The following USP32 variants were observed in gnomAD, a reference collection of about 807,000 sequenced individuals.
The protein encoded by USP32 is ubiquitin specific peptidase 32, also known as ubiquitin carboxyl-terminal hydrolase 32.
USP32 carries 59 observed loss-of-function variants against 204.8 expected under a neutral mutation model. The ratio of observed to expected loss-of-function variants is 0.29; its 90% CI spans 0.23 to 0.36. The LOEUF is 0.36. Ranked by LOEUF, USP32 falls within the 10% of genes least tolerant of loss-of-function variation. USP32 has a pLI of 1.00. For missense variants in USP32, 1,160 were observed against 1,946.4 expected, an observed-to-expected ratio of 0.60 and a Z score of 7.60; for synonymous variants, 517 against 678.4, an observed-to-expected ratio of 0.76 and a Z score of 3.70.
At chr17:60,340,922 CT>C (rs1188362894) in intron 2 of USP32, among the ~76,000 whole-genome samples, 2 of 151,982 alleles carry the variant, frequency 1.3e-5, no homozygotes, top group Admixed American at 6.6e-5. Context: ...TTCTCCTTCA[CT>C]TATGAAGCTC....
intron 1 of USP32, among the ~76,000 whole-genome samples, chr17:60,406,126 C>T (rs905726414): frequency 5.6e-5 from 8 of 143,570 alleles, no homozygotes; most frequent in African/African-American, 2.1e-4. Flanking sequence ...CACTGTACCC[C>T]AGCCTGGGTG....
chr17:60,227,868 A>G (rs998075697), intron 12 of USP32, among the ~76,000 whole-genome samples: 2 of 152,190 alleles, frequency 1.3e-5, no homozygotes, highest in African/African-American at 4.8e-5. Flanking sequence ...ATTTTAAGTA[A>G]AAATGGCATA....
intron 26 of USP32, among the ~76,000 whole-genome samples, chr17:60,199,437 T>C (rs1411427858): frequency 1.3e-5 from 2 of 152,242 alleles, no homozygotes; most frequent in African/African-American, 4.8e-5. Context: ...AGAATTATCC[T>C]GGAAATGGCT....
At chr17:60,260,910 C>A (rs755305643) in intron 9 of USP32, among the ~76,000 whole-genome samples, 2 of 151,964 alleles carry the variant, frequency 1.3e-5, no homozygotes, top group African/African-American at 2.4e-5. Flanking sequence ...ACAAAAAAAA[C>A]CCAGAAGAAC....
chr17:60,235,700 G>A (rs1182919628), intron 12 of USP32, among the ~76,000 whole-genome samples: 1 of 152,192 alleles, frequency 6.6e-6, no homozygotes, highest in Non-Finnish European at 1.5e-5. Flanking sequence ...TGTAAATGAT[G>A]TAGTTGAGAG....
At position 60,236,144 on chromosome 17, in the gene USP32, G is replaced by A. The variant is rs146072369; in HGVS notation, c.1233C>T (p.Val411=). The change falls in exon 12 of 34, where the codon GTC becomes GTT. Residue 411 remains valine (V), a synonymous_variant. Coordinates refer to ENST00000300896, the MANE Select transcript of USP32 (RefSeq NM_032582.4). ...AGACAGGAATCTAACTCACGTATTT[G>A]ACATATTCTTTCCACTGTTGCCACC... ...MQWWQQWKEY[V]KYDANPVVIE... is the part of the protein sequence containing the mutation. 48 of 1,613,222 alleles carry A rather than the reference G, an allele frequency of 3.0e-5. No individual in the cohort carries two copies. In the African/African-American group the frequency reaches 6.0e-4, roughly 20 times the overall value.
intron 5 of USP32, among the ~76,000 whole-genome samples, chr17:60,284,619 A>G (rs1377178740): frequency 6.6e-6 from 1 of 152,106 alleles, no homozygotes; most frequent in African/African-American, 2.4e-5. Context: ...CATTTTTAAC[A>G]TATTGAAAAT....
At chr17:60,421,279 G>A in intron 1 of USP32, 1 of 809,364 alleles carries the variant, frequency 1.2e-6, no homozygotes, top group Non-Finnish European at 1.5e-6. Context: ...ACAACAAGAC[G>A]TTTGCTGAAC....
At chr17:60,180,442 T>C (rs1367634246) in intron 33 of USP32, 103 bp downstream of exon 33, 1 of 1,272,898 alleles carries the variant, frequency 7.9e-7, no homozygotes, top group Non-Finnish European at 1.1e-6. Flanking sequence ...CTAACAGAAA[T>C]ATCTATTTCC....
rs183296422 is a variant in USP32, at chr17:60,348,795, G to A, written c.59-3187C>T. 2.2e-4 allele frequency among the ~76,000 whole-genome samples: 33 copies of A among 152,084 alleles called. 1 individual carries two copies. Among genetic ancestry groups the A allele is most frequent in the Admixed American group, 2.0e-3 (30 of 15,280 alleles). On this transcript the variant is annotated intron_variant, in intron 1 of 33. Coordinates refer to ENST00000300896, the MANE Select transcript of USP32 (RefSeq NM_032582.4). The stretch of plus-strand genomic sequence containing the variant: ...AAAAAAAAGATAAAGACTAAAGAGT[G>A]CTTGGCACACAGTTAATCACTTTGA...
intron 16 of USP32, among the ~76,000 whole-genome samples, chr17:60,216,247 G>A (rs1213254292): frequency 8.7e-4 from 130 of 148,638 alleles, no homozygotes; most frequent in African/African-American, 3.2e-3. Context: ...CAAAAGAGGA[G>A]GGGTATGAAA....
intron 11 of USP32, among the ~76,000 whole-genome samples, chr17:60,238,154 T>C (rs1310513056): frequency 3.9e-5 from 6 of 152,186 alleles, no homozygotes; most frequent in African/African-American, 7.2e-5. Flanking sequence ...ACTAATTACG[T>C]TGAGCATCTT....
chr17:60,332,359 T>C (rs2145969950), intron 2 of USP32, among the ~76,000 whole-genome samples: 1 of 151,998 alleles, frequency 6.6e-6, no homozygotes, highest in Non-Finnish European at 1.5e-5. Context: ...CTCAAAAGTT[T>C]ACTCTGGGCC....
intron 1 of USP32, among the ~76,000 whole-genome samples, chr17:60,374,784 G>A (rs1049289043): frequency 1.4e-4 from 22 of 152,306 alleles, no homozygotes; most frequent in African/African-American, 2.4e-4. Context: ...AAATGGCTAC[G>A]ATGTCACTAG....
At chr17:60,271,517 G>A (rs746457499) in intron 5 of USP32, 36 bp from the exon 6 acceptor site, 1 of 1,605,152 alleles carries the variant, frequency 6.2e-7, no homozygotes, top group Non-Finnish European at 8.5e-7. Context: ...TAAAACCTCA[G>A]AATTCTCTTC....
At chr17:60,293,607 A>G (rs1402897568) in intron 4 of USP32, among the ~76,000 whole-genome samples, 1 of 152,240 alleles carries the variant, frequency 6.6e-6, no homozygotes, top group Non-Finnish European at 1.5e-5. Flanking sequence ...TAGGCTCAAA[A>G]GCAAGAAAGA....
chr17:60,256,599 C>T, intron 9 of USP32: 1 of 806,584 alleles, frequency 1.2e-6, no homozygotes, highest in Non-Finnish European at 1.5e-6. Context: ...TCTCCAGGTA[C>T]TCCGGTTTCC....
chr17:60,293,724 G>A (rs572220714), intron 4 of USP32, among the ~76,000 whole-genome samples: 20 of 152,304 alleles, frequency 1.3e-4, no homozygotes, highest in African/African-American at 4.8e-4. Context: ...TGCAAAGGCT[G>A]AAATATGGAC....
chr17:60,307,701 C>G (rs957651108), intron 2 of USP32, among the ~76,000 whole-genome samples: 1 of 152,112 alleles, frequency 6.6e-6, no homozygotes, highest in Non-Finnish European at 1.5e-5. Context: ...GGCTAGGGCT[C>G]CACCCTCAGG....
Sources: gnomAD v4.1 joint callset for allele counts (sites outside exome capture counted in the v4.1 genomes callset) on GRCh38, gnomAD v4.1.1 for gene constraint, MANE v1.5 for transcripts, NCBI Gene and HGNC (gene_info 2026-07-23, HGNC 2026-07-21) for gene names.